The following FOXP1 variants were observed in gnomAD, a reference collection of about 807,000 sequenced individuals.
The protein encoded by FOXP1 is forkhead box P1, also known as forkhead box protein P1.
A neutral mutation model predicts 98.2 loss-of-function variants in FOXP1; 15 were observed. That is an observed-to-expected ratio of 0.15 (90% CI 0.10 to 0.24). FOXP1 has a LOEUF of 0.24. FOXP1 is among the 10% of genes least tolerant of loss of function. The probability of loss-of-function intolerance (pLI) is 1.00; values close to 1 mark genes in which losing one functional copy is unlikely to be tolerated. For missense variants in FOXP1, 633 were observed against 848.5 expected (o/e 0.75, Z 3.15); for synonymous variants, 371 against 314.5 (o/e 1.18, Z -1.90).
intron 7 of FOXP1, among the ~76,000 whole-genome samples, chr3:71,081,331 G>A (rs146308913): frequency 3.5e-4 from 53 of 152,108 alleles, no homozygotes; most frequent in African/African-American, 1.0e-3. Flanking sequence ...CTGGTCATCC[G>A]AATTAAGAAA....
intron 2 of FOXP1, among the ~76,000 whole-genome samples, chr3:71,538,804 A>C (rs2044522443): frequency 6.6e-6 from 1 of 152,146 alleles, no homozygotes; most frequent in Non-Finnish European, 1.5e-5. Context: ...TTCTTCTAAG[A>C]GTTTTCTATA....
chr3:71,261,414 A>G (rs1474975334), intron 5 of FOXP1, among the ~76,000 whole-genome samples: 1 of 152,174 alleles, frequency 6.6e-6, no homozygotes, highest in Non-Finnish European at 1.5e-5. Context: ...ATTTAAAAAA[A>G]AAACATAAAA....
chr3:71,239,327 A>T (rs2067056794), intron 5 of FOXP1, among the ~76,000 whole-genome samples: 1 of 152,118 alleles, frequency 6.6e-6, no homozygotes, highest in South Asian at 2.1e-4. Context: ...GCAGATCACG[A>T]GGTCAGGAGA....
intron 2 of FOXP1, among the ~76,000 whole-genome samples, chr3:71,531,307 C>T (rs1204786468): frequency 6.6e-6 from 1 of 152,146 alleles, no homozygotes; most frequent in African/African-American, 2.4e-5. Context: ...CTGCCATTTC[C>T]ACTAGCACAG....
In FOXP1 at chr3:71,412,656, A is replaced by C. The variant is rs1420306613; in HGVS notation, c.-167-53412T>G. On this transcript the variant is annotated intron_variant, in intron 3 of 20. Coordinates refer to ENST00000649528, the MANE Select transcript of FOXP1 (RefSeq NM_001349338.3). ...GTCCTTGGGTAAGTAGAAATAAAAG[A>C]TATAGAAAGAAAAATGGGTCCTTAA... 5.3e-5 allele frequency among the ~76,000 whole-genome samples: 8 copies of C among 152,194 alleles called. No individual in the cohort carries two copies. In the East Asian group the frequency reaches 1.5e-3, roughly 29 times the overall value.
intron 5 of FOXP1, among the ~76,000 whole-genome samples, chr3:71,292,946 C>T (rs915505970): frequency 1.3e-5 from 2 of 152,216 alleles, no homozygotes; most frequent in African/African-American, 2.4e-5. Context: ...CAAATCCAAA[C>T]TCAGCACTGC....
rs2050976806 is a variant in FOXP1 at position 71,058,407 on chromosome 3, G to A, written c.283-4634C>T. Among the ~76,000 whole-genome samples, 4 of 152,186 alleles carry A rather than the reference G, an allele frequency of 2.6e-5. 1 individual carries two copies. In the South Asian group the frequency reaches 8.3e-4, roughly 32 times the overall value. The stretch of plus-strand genomic sequence containing the variant: ...AATTTAGAAACTCTTTTTACCCTCT[G>A]ATCATTCACCACATGTATGTCCCAG... On this transcript the variant is annotated intron_variant, in intron 7 of 20. Transcript: ENST00000649528.
chr3:71,139,335 A>C (rs1339496824), intron 6 of FOXP1, among the ~76,000 whole-genome samples: 1 of 152,192 alleles, frequency 6.6e-6, no homozygotes, highest in Non-Finnish European at 1.5e-5. Context: ...AGTGAATTAA[A>C]AGGGAGGCAA....
At chr3:71,556,576 CA>C (rs757217111) in intron 2 of FOXP1, among the ~76,000 whole-genome samples, 304 of 29,792 alleles carry the variant, frequency 0.01, no homozygotes, top group South Asian at 0.031. Context: ...GACTCCGTCT[CA>C]AAAAAAAAAA....
intron 5 of FOXP1, among the ~76,000 whole-genome samples, chr3:71,259,367 A>G (rs1216640384): frequency 6.6e-6 from 1 of 152,256 alleles, no homozygotes; most frequent in Non-Finnish European, 1.5e-5. Context: ...GTTATCATGA[A>G]GATGAAAAGA....
chr3:71,583,870 C>T (rs2048390731), upstream of FOXP1: 3 of 985,458 alleles, frequency 3.0e-6, 1 homozygote, highest in Non-Finnish European at 2.4e-6. Context: ...CCGGCCCGAC[C>T]CTCTACCTCC....
chr3:71,236,025 A>G (rs2066743982), intron 5 of FOXP1, among the ~76,000 whole-genome samples: 1 of 152,222 alleles, frequency 6.6e-6, no homozygotes, highest in Non-Finnish European at 1.5e-5. Context: ...ACCGCATGTA[A>G]CAATTCTTGC....
chr3:71,136,937 C>T (rs2059846697), intron 6 of FOXP1, among the ~76,000 whole-genome samples: 1 of 152,128 alleles, frequency 6.6e-6, no homozygotes, highest in East Asian at 1.9e-4. Context: ...TATTTCTGAC[C>T]TGTACCACTA....
intron 3 of FOXP1, among the ~76,000 whole-genome samples, chr3:71,460,146 G>C (rs1296772423): frequency 6.6e-6 from 1 of 151,962 alleles, no homozygotes; most frequent in African/African-American, 2.4e-5. Context: ...GTGTTAGCCA[G>C]GATGGTCTCA....
At chr3:71,580,150 G>A (rs1343057827) in intron 2 of FOXP1, among the ~76,000 whole-genome samples, 1 of 149,524 alleles carries the variant, frequency 6.7e-6, no homozygotes, top group Non-Finnish European at 1.5e-5. Flanking sequence ...TCAGCAGTTG[G>A]AGGCTGTTTA....
intron 20 of FOXP1, among the ~76,000 whole-genome samples, chr3:70,962,095 C>G (rs1372642930): frequency 6.6e-6 from 1 of 152,094 alleles, no homozygotes; most frequent in Non-Finnish European, 1.5e-5. Context: ...CTTATTTTTG[C>G]CAATCTGTTT....
intron 6 of FOXP1, among the ~76,000 whole-genome samples, chr3:71,192,493 T>C (rs1308835494): frequency 6.6e-6 from 1 of 152,202 alleles, no homozygotes; most frequent in Admixed American, 6.5e-5. Flanking sequence ...CTTGCAGGCA[T>C]TGTTTCTCAC....
At chr3:70,972,054 G>C in intron 18 of FOXP1, 1 of 1,501,346 alleles carries the variant, frequency 6.7e-7, no homozygotes, top group Non-Finnish European at 8.8e-7. Flanking sequence ...CAGTATTTGC[G>C]AGGACGGCCT....
intron 2 of FOXP1, among the ~76,000 whole-genome samples, chr3:71,549,876 A>AC (rs2045641850): frequency 6.8e-6 from 1 of 146,602 alleles, no homozygotes; most frequent in Non-Finnish European, 1.5e-5. Context: ...AAAAAAAAAA[A>AC]AAAAAAAAAA....
Sources: gnomAD v4.1 joint callset for allele counts (sites outside exome capture counted in the v4.1 genomes callset) on GRCh38, gnomAD v4.1.1 for gene constraint, MANE v1.5 for transcripts, NCBI Gene and HGNC (gene_info 2026-07-23, HGNC 2026-07-21) for gene names.